The following AGGF1 variants were observed in gnomAD, a reference collection of about 807,000 sequenced individuals.
AGGF1 encodes the protein angiogenic factor with G patch and FHA domains 1.
Under a neutral mutation model 86.5 loss-of-function variants are expected in AGGF1, and 56 were observed. The observed-to-expected ratio is 0.65, with a 90% CI of 0.52 to 0.81. The LOEUF (loss-of-function observed/expected upper bound fraction) is 0.81, where lower values mean the gene tolerates loss of function less well. AGGF1 is among the 30% of genes least tolerant of loss of function. The probability of loss-of-function intolerance (pLI) is 0.00; values close to 1 mark genes in which losing one functional copy is unlikely to be tolerated. For missense variants in AGGF1, 816 were observed against 850.9 expected (o/e 0.96, Z 0.51); for synonymous variants, 313 against 297.1 (o/e 1.05, Z -0.55).
At position 77,053,977 on chromosome 5, in the gene AGGF1, T is replaced by A; in HGVS notation, c.1480T>A (p.Cys494Ser). The change falls in exon 10 of 14, where the codon TGT becomes AGT. Residue 494 changes from cysteine to serine, a missense_variant. By Grantham distance (112) the Cys-to-Ser change is moderately radical. Transcript: ENST00000312916. ...GTTTCCCCTCTAGCCGAAAACTAAATGTGACCCTTACGTACTTGAGCATGG... is the reference window on the plus strand; with the variant it reads ...GTTTCCCCTCTAGCCGAAAACTAAAAGTGACCCTTACGTACTTGAGCATGG... ...GKQILQPKTKCDPYVLEHGDE... is the reference protein window; with the variant it reads ...GKQILQPKTKSDPYVLEHGDE... The A allele has an allele frequency of 6.2e-7, 1 of 1,614,210 alleles. No homozygotes were observed. Among genetic ancestry groups the A allele is most frequent in the Middle Eastern group, 1.6e-4 (1 of 6,062 alleles).
rs1580138766 is a variant in AGGF1, at chr5:77,062,927, T to C, written c.1945-125T>C. ...TATTCCTGTATGTATTTGATGCATC[T>C]GACAGGTTTTTCTTTTGCATCAATC... On this transcript the variant is annotated intron_variant, in intron 13 of 13. Transcript: ENST00000312916. The C allele has an allele frequency of 3.3e-6, 3 of 915,100 alleles. No individual in the cohort carries two copies. The East Asian group carries it at 7.2e-5, about 22-fold the overall frequency. The allele number at this position is 915,100 out of a possible 1,614,324, so 56.7% of individuals were successfully genotyped here. A position where few individuals can be genotyped will look rare whatever the true frequency, so the allele number is the denominator to read the frequency against.
intron 8 of AGGF1, among the ~76,000 whole-genome samples, chr5:77,049,430 A>G (rs937590425): frequency 6.6e-6 from 1 of 152,156 alleles, no homozygotes; most frequent in Non-Finnish European, 1.5e-5. Flanking sequence ...TTGAGCATCT[A>G]ATGGTTTCAG....
At chr5:77,045,870 T>G (rs191612969) in intron 5 of AGGF1, among the ~76,000 whole-genome samples, 2 of 152,372 alleles carry the variant, frequency 1.3e-5, no homozygotes, top group East Asian at 3.8e-4. Context: ...ACACTCTGGA[T>G]GTTGCAGACT....
intron 1 of AGGF1, among the ~76,000 whole-genome samples, chr5:77,032,252 TAAAAAA>T (rs35068401): frequency 0.2 from 22,102 of 107,886 alleles, 2,110 homozygotes; most frequent in Middle Eastern, 0.3. Flanking sequence ...ACAAATATGG[TAAAAAA>T]AAAAAAAAAA....
At chr5:77,055,683 T>A in intron 11 of AGGF1, 87 bp downstream of exon 11, 1 of 897,080 alleles carries the variant, frequency 1.1e-6, no homozygotes, top group Non-Finnish European at 1.8e-6. Flanking sequence ...GTACATTTTA[T>A]ATATAAATAG....
At chr5:77,043,468 G>A (rs1406080561) in intron 5 of AGGF1, among the ~76,000 whole-genome samples, 3 of 114,428 alleles carry the variant, frequency 2.6e-5, no homozygotes, top group Admixed American at 2.5e-4. Flanking sequence ...CAGACGGGGC[G>A]GTTGGCCGGG....
At chr5:77,044,552 A>G (rs543640864) in intron 5 of AGGF1, among the ~76,000 whole-genome samples, 107 of 152,280 alleles carry the variant, frequency 7.0e-4, no homozygotes, top group African/African-American at 2.4e-3. Context: ...CTTAATGACT[A>G]TCTAATGTTC....
rs775232686 is a variant in AGGF1, at chr5:77,048,946, A to G, written c.1324A>G (p.Met442Val). The G allele has an allele frequency of 6.2e-7, 1 of 1,613,776 alleles. No individual in the cohort carries two copies. The highest frequency in any genetic ancestry group is 8.5e-7 in the Non-Finnish European group (1 of 1,179,846). ...TACTTAACTCTGCAGAGAAAAGGAT[A>G]TGGAACATACTCTCCGAATCCCTGA... ...NPATIGREKD[M>V]EHTLRIPEVG... The change falls in exon 8 of 14, where the codon ATG (methionine) becomes GTG (valine). Residue 442 changes from methionine (M) to valine (V), a missense_variant. Transcript: ENST00000312916.
intron 5 of AGGF1, among the ~76,000 whole-genome samples, chr5:77,044,525 G>T (rs1376173928): frequency 1.3e-5 from 2 of 152,078 alleles, no homozygotes; most frequent in Non-Finnish European, 2.9e-5. Context: ...CCATAAATAA[G>T]CCCTCCTTTC....
At chr5:77,032,913 T>G (rs1746898011) in intron 1 of AGGF1, among the ~76,000 whole-genome samples, 2 of 151,440 alleles carry the variant, frequency 1.3e-5, no homozygotes, top group South Asian at 2.1e-4. Flanking sequence ...TATCATTCAA[T>G]GTTCACGTGG....
Position 77,063,405 on chromosome 5 carries a change from A to G in AGGF1, c.*153A>G. Reference sequence around the variant, plus strand: ...TGTGTATGGTTTGCAGCTTTTAAAAACCATTTTTTTAAAACTAATAAATAG... The same window carrying G: ...TGTGTATGGTTTGCAGCTTTTAAAAGCCATTTTTTTAAAACTAATAAATAG... On this transcript the variant is annotated 3_prime_UTR_variant, in exon 14 of 14. Coordinates refer to ENST00000312916, the MANE Select transcript of AGGF1 (RefSeq NM_018046.5). 1.2e-6 allele frequency: 1 copy of G among 860,728 alleles called. No homozygotes were observed. Among genetic ancestry groups the G allele is most frequent in the Non-Finnish European group, 1.8e-6 (1 of 559,418 alleles). 53.3% of individuals were successfully genotyped at this position (860,728 alleles called of 1,614,324 possible).
In AGGF1 at chr5:77,054,128, T is replaced by G; in HGVS notation, c.1631T>G (p.Phe544Cys). The change falls in exon 10 of 14, where the codon TTT becomes TGT. Residue 544 changes from phenylalanine to cysteine, a missense_variant and splice_region_variant. Coordinates refer to ENST00000312916, the MANE Select transcript of AGGF1 (RefSeq NM_018046.5). ...CGCCTTGATAAGAAAGATGAATCTT[T>G]TGGTATGTGAAACAGATTAAATGTG... The part of the protein sequence containing the change: ...HLRLDKKDES[F>C]VGPTLSKEEK... 2 of 1,614,174 alleles carry G rather than the reference T, an allele frequency of 1.2e-6. No individual in the cohort carries two copies. The highest frequency in any genetic ancestry group is 1.7e-6 in the Non-Finnish European group (2 of 1,180,022).
At position 77,037,472 on chromosome 5, in the gene AGGF1, A is replaced by G. The variant is rs192982198; in HGVS notation, c.681+752A>G. ...GTTTTATATCCTGTGCCTTTTAACT[A>G]TTTCACTTTAAACATTCAGTCTGTT... is the stretch of plus-strand genomic sequence containing the variant. On this transcript the variant is annotated intron_variant, in intron 4 of 13. Transcript: ENST00000312916. 2.2e-3 allele frequency among the ~76,000 whole-genome samples: 340 copies of G among 152,262 alleles called. 4 individuals are homozygous for G. The highest frequency in any genetic ancestry group is 5.9e-3 in the African/African-American group (245 of 41,542).
rs1257725113 is a variant in AGGF1, at chr5:77,061,759, A to G, written c.1901A>G (p.Lys634Arg). ...ATGTTGGAGAAGATGGGTTGGAAGA[A>G]AGGAGAGGGCCTGGGGAAGGATGGT... Reference protein sequence around the residue: ...RKMLEKMGWKKGEGLGKDGGG... With the variant: ...RKMLEKMGWKRGEGLGKDGGG... Residue 634 changes from lysine (K) to arginine (R), a missense_variant, in exon 13 of 14, where the codon AAA (lysine) becomes AGA (arginine). Transcript: ENST00000312916. 6.2e-7 allele frequency: 1 copy of G among 1,613,754 alleles called. No individual in the cohort carries two copies. Among genetic ancestry groups the G allele is most frequent in the South Asian group, 1.1e-5 (1 of 91,078 alleles).
intron 11 of AGGF1, among the ~76,000 whole-genome samples, chr5:77,057,906 T>C (rs1206788357): frequency 6.6e-6 from 1 of 152,202 alleles, no homozygotes; most frequent in African/African-American, 2.4e-5. Context: ...CACATTCTGG[T>C]TGGTGTTGAG....
rs374551408 is a variant in AGGF1, at chr5:77,063,347, T to A, written c.*95T>A. The A allele has an allele frequency of 1.0e-5, 13 of 1,243,506 alleles. No individual in the cohort carries two copies. Among genetic ancestry groups the A allele is most frequent in the East Asian group, 7.6e-5 (3 of 39,710 alleles). The allele number at this position is 1,243,506 out of a possible 1,614,324, so 77.0% of individuals were successfully genotyped here. A position where few individuals can be genotyped will look rare whatever the true frequency, so the allele number is the denominator to read the frequency against. ...AAAAGAATCAGCAGCACAGGGGAACTATGTCACAGTTTACCTCTTCCTGAT... is the reference window on the plus strand; with the variant it reads ...AAAAGAATCAGCAGCACAGGGGAACAATGTCACAGTTTACCTCTTCCTGAT... On this transcript the variant is annotated 3_prime_UTR_variant, in exon 14 of 14. Coordinates refer to ENST00000312916, the MANE Select transcript of AGGF1 (RefSeq NM_018046.5).
intron 4 of AGGF1, among the ~76,000 whole-genome samples, chr5:77,038,673 A>G (rs1018599342): frequency 7.9e-5 from 12 of 152,182 alleles, no homozygotes; most frequent in African/African-American, 2.4e-4. Flanking sequence ...GCAAGTGTCA[A>G]TAGTTAGAAA....
chr5:77,055,415 G>A, intron 10 of AGGF1, 99 bp from the exon 11 acceptor site: 3 of 751,184 alleles, frequency 4.0e-6, no homozygotes, highest in Middle Eastern at 3.8e-4. Context: ...TAATTGGAAT[G>A]GGTTATATTA....
intron 3 of AGGF1, 77 bp from the exon 4 acceptor site, chr5:77,036,479 A>T (rs1315815562): frequency 2.1e-6 from 3 of 1,426,504 alleles, no homozygotes; most frequent in Non-Finnish European, 3.0e-6. Context: ...ACATAGTCTC[A>T]GGTCTTGAGT....
Sources: allele counts gnomAD v4.1 joint callset (sites outside exome capture counted in the v4.1 genomes callset), GRCh38; gene constraint gnomAD v4.1.1; transcripts MANE v1.5; gene names NCBI Gene and HGNC (gene_info 2026-07-23, HGNC 2026-07-21).